The following BTBD9 variants were observed in gnomAD, a reference collection of about 807,000 sequenced individuals.
BTBD9 encodes BTB domain containing 9.
A neutral mutation model predicts 64.3 loss-of-function variants in BTBD9; 49 were observed. The ratio of observed to expected loss-of-function variants is 0.76; its 90% CI spans 0.61 to 0.97. The LOEUF (loss-of-function observed/expected upper bound fraction) is 0.97, where lower values mean the gene tolerates loss of function less well. Among genes scored for constraint, BTBD9 ranks in the 50% least tolerant of loss-of-function variants. The probability of loss-of-function intolerance (pLI) is 0.00; values close to 1 mark genes in which losing one functional copy is unlikely to be tolerated. For synonymous variants in BTBD9, 260 were observed against 274.7 expected (o/e 0.95, Z 0.53); for missense variants, 598 against 762.1 (o/e 0.78, Z 2.53).
At chr6:38,238,100 C>T (rs1375531180) in intron 9 of BTBD9, among the ~76,000 whole-genome samples, 1 of 152,218 alleles carries the variant, frequency 6.6e-6, no homozygotes, top group Non-Finnish European at 1.5e-5. Context: ...CAGAGCAGGA[C>T]TTTGTCTCTT....
At chr6:38,429,253 A>G (rs1171472121) in intron 6 of BTBD9, among the ~76,000 whole-genome samples, 2 of 151,082 alleles carry the variant, frequency 1.3e-5, no homozygotes, top group African/African-American at 4.9e-5. Context: ...TCAGGAGTTC[A>G]AGACCAGCCT....
intron 8 of BTBD9, among the ~76,000 whole-genome samples, chr6:38,271,640 T>A (rs374904408): frequency 3.9e-5 from 6 of 152,068 alleles, no homozygotes; most frequent in African/African-American, 1.4e-4. Context: ...ACCTAAAATA[T>A]CTACTACTTG....
chr6:38,409,814 A>G (rs559927480), intron 6 of BTBD9, among the ~76,000 whole-genome samples: 2 of 152,202 alleles, frequency 1.3e-5, no homozygotes, highest in Admixed American at 6.5e-5. Context: ...ACAGAGCAAG[A>G]CTCTGTATCA....
At chr6:38,511,887 A>T (rs1772791588) in intron 6 of BTBD9, among the ~76,000 whole-genome samples, 1 of 152,192 alleles carries the variant, frequency 6.6e-6, no homozygotes, top group Admixed American at 6.5e-5. Flanking sequence ...TGTAGAGGAA[A>T]GGGAAATGAA....
chr6:38,372,195 C>T (rs1182170211), intron 6 of BTBD9, among the ~76,000 whole-genome samples: 5 of 152,210 alleles, frequency 3.3e-5, no homozygotes, highest in Admixed American at 6.5e-5. Flanking sequence ...TGCACCTCAG[C>T]TCACTCATAA....
At position 38,327,081 on chromosome 6, in the gene BTBD9, G is replaced by A. The variant is rs115611991; in HGVS notation, c.1264+17903C>T. The stretch of plus-strand genomic sequence containing the variant: ...AGGGGCAGAATTGAAGTAATCCCCT[G>A]CTTGAGCACTAGGTAGTTTTTATGA... On this transcript the variant is annotated intron_variant, in intron 7 of 10. Coordinates refer to ENST00000481247, the MANE Select transcript of BTBD9 (RefSeq NM_001099272.2). Among the ~76,000 whole-genome samples the A allele has an allele frequency of 2.8e-3, 424 of 152,172 alleles. 3 individuals carry two copies. Among genetic ancestry groups the A allele is most frequent in the African/African-American group, 9.8e-3 (405 of 41,510 alleles).
chr6:38,241,771 G>A (rs1408275035), intron 9 of BTBD9, among the ~76,000 whole-genome samples: 1 of 152,182 alleles, frequency 6.6e-6, no homozygotes, highest in African/African-American at 2.4e-5. Context: ...ATGCTTTATA[G>A]AGCTTGGCTT....
intron 6 of BTBD9, among the ~76,000 whole-genome samples, chr6:38,555,419 T>C (rs1205005708): frequency 1.3e-5 from 2 of 152,188 alleles, no homozygotes; most frequent in East Asian, 1.9e-4. Flanking sequence ...CAAAATTCCA[T>C]AGTGAATGTG....
intron 6 of BTBD9, among the ~76,000 whole-genome samples, chr6:38,348,598 G>A (rs1764381851): frequency 6.6e-6 from 1 of 152,200 alleles, no homozygotes; most frequent in Admixed American, 6.5e-5. Context: ...GAGCCATAGT[G>A]TAACAGTCTG....
chr6:38,287,109 TACACACACAC>T (rs70981534), intron 8 of BTBD9, among the ~76,000 whole-genome samples: 25 of 87,022 alleles, frequency 2.9e-4, no homozygotes, highest in Admixed American at 5.2e-4. Context: ...AAAAAAAATA[TACACACACAC>T]ACACACACAC....
chr6:38,319,311 T>C (rs1459803597), intron 7 of BTBD9, among the ~76,000 whole-genome samples: 1 of 152,156 alleles, frequency 6.6e-6, no homozygotes, highest in Admixed American at 6.5e-5. Flanking sequence ...AAAATAAAGA[T>C]AATAATCCCT....
intron 6 of BTBD9, among the ~76,000 whole-genome samples, chr6:38,506,978 T>G (rs1772555068): frequency 6.6e-6 from 1 of 152,194 alleles, no homozygotes; most frequent in South Asian, 2.1e-4. Context: ...TCCTGCTGGC[T>G]TCTAGAATAA....
At chr6:38,442,258 C>G (rs913218179) in intron 6 of BTBD9, among the ~76,000 whole-genome samples, 2 of 151,986 alleles carry the variant, frequency 1.3e-5, no homozygotes, top group Non-Finnish European at 2.9e-5. Context: ...GAGGCCGAGG[C>G]GGGCAGGTCA....
intron 6 of BTBD9, among the ~76,000 whole-genome samples, chr6:38,455,004 C>A (rs556929250): frequency 2.8e-4 from 43 of 152,192 alleles, no homozygotes; most frequent in Admixed American, 2.2e-3. Flanking sequence ...AAGAATAAAA[C>A]TGATTTTTGT....
intron 6 of BTBD9, among the ~76,000 whole-genome samples, chr6:38,477,722 C>T (rs1414057171): frequency 1.3e-5 from 2 of 152,124 alleles, no homozygotes; most frequent in African/African-American, 2.4e-5. Flanking sequence ...GTTAAGAAAG[C>T]GAGGATGAAA....
At chr6:38,485,361 A>T (rs995250018) in intron 6 of BTBD9, among the ~76,000 whole-genome samples, 7 of 152,346 alleles carry the variant, frequency 4.6e-5, no homozygotes, top group Admixed American at 1.3e-4. Context: ...AGATCAGAGG[A>T]ATCAAAAGAA....
intron 8 of BTBD9, among the ~76,000 whole-genome samples, chr6:38,260,674 T>A (rs1258135496): frequency 6.6e-6 from 1 of 152,244 alleles, no homozygotes; most frequent in Non-Finnish European, 1.5e-5. Flanking sequence ...TCCTCCAATT[T>A]GTTTCAAGGC....
At chr6:38,294,720 G>A (rs1250337114) in intron 7 of BTBD9, among the ~76,000 whole-genome samples, 1 of 151,874 alleles carries the variant, frequency 6.6e-6, no homozygotes, top group Non-Finnish European at 1.5e-5. Context: ...GTTGATGGGT[G>A]CAGCAAACCA....
At chr6:38,421,480 T>C (rs1310988073) in intron 6 of BTBD9, among the ~76,000 whole-genome samples, 1 of 152,264 alleles carries the variant, frequency 6.6e-6, no homozygotes, top group Non-Finnish European at 1.5e-5. Flanking sequence ...TATCTACTAA[T>C]AATTTAATAA....
Sources: gnomAD v4.1 joint callset for allele counts (sites outside exome capture counted in the v4.1 genomes callset) on GRCh38, gnomAD v4.1.1 for gene constraint, MANE v1.5 for transcripts, NCBI Gene and HGNC (gene_info 2026-07-23, HGNC 2026-07-21) for gene names.